COL8A2: variants seen among roughly 807,000 people sequenced by gnomAD.
The protein encoded by COL8A2 is collagen alpha-2(VIII) chain.
COL8A2 carries 16 observed loss-of-function variants against 24.0 expected under a neutral mutation model. The observed-to-expected ratio is 0.67, with a 90% CI of 0.45 to 1.01. The LOEUF is 1.01. Ranked by LOEUF, COL8A2 falls within the 50% of genes least tolerant of loss-of-function variation. The pLI is 0.00. For missense variants in COL8A2, 818 were observed against 942.4 expected, an observed-to-expected ratio of 0.87 and a Z score of 1.73; for synonymous variants, 466 against 424.5, an observed-to-expected ratio of 1.10 and a Z score of -1.20.
chr1:36,099,881 T>G (rs1162570088), intron 3 of COL8A2, among the ~76,000 whole-genome samples, 169 bp downstream of exon 3: 2 of 152,164 alleles, frequency 1.3e-5, no homozygotes, highest in Non-Finnish European at 2.9e-5. Flanking sequence ...GCCAGCTAAC[T>G]GCACCGTTTC....
chr1:36,099,508 G>A, intron 3 of COL8A2, 21 bp from the exon 4 acceptor site: 1 of 1,497,742 alleles, frequency 6.7e-7, no homozygotes, highest in Non-Finnish European at 9.0e-7. Context: ...AAGAGAAAGG[G>A]GCAGTCAGGG....
At chr1:36,105,003 G>A (rs1643734592) in intron 2 of COL8A2, among the ~76,000 whole-genome samples, 1 of 152,026 alleles carries the variant, frequency 6.6e-6, no homozygotes, top group African/African-American at 2.4e-5. Context: ...ACCCTACGCA[G>A]GGACCTCTCT....
chr1:36,101,421 C>T (rs1478604070), intron 2 of COL8A2, among the ~76,000 whole-genome samples: 2 of 152,192 alleles, frequency 1.3e-5, no homozygotes, highest in African/African-American at 4.8e-5. Flanking sequence ...AGGCTGTCAT[C>T]CCTTCCTCTA....
intron 2 of COL8A2, among the ~76,000 whole-genome samples, chr1:36,101,682 C>T (rs772408016): frequency 2.0e-5 from 3 of 152,168 alleles, no homozygotes; most frequent in Non-Finnish European, 4.4e-5. Context: ...GTAGAGACAA[C>T]GCAAATGTCC....
chr1:36,098,750 CT>C lies in COL8A2; in HGVS notation c.930del (p.Ile310MetfsTer149). The C allele has an allele frequency of 6.2e-7, 1 of 1,611,790 alleles. No homozygotes were observed. Among genetic ancestry groups the C allele is most frequent in the Non-Finnish European group, 8.5e-7 (1 of 1,179,632 alleles). ...CCTGGCATCCCATAGCCAGTGGGGC[CT>C]ATCAGCCCAGGGGGGCCCCGGGTCC... is the stretch of plus-strand genomic sequence containing the variant. The part of the protein sequence containing the change: ...EPGTRGPPGL[I>X]GPTGYGMPGL... On this transcript the variant is annotated frameshift_variant, in exon 4 of 4. Coordinates refer to ENST00000397799, the MANE Select transcript of COL8A2 (RefSeq NM_005202.4). LOFTEE classifies it high-confidence loss of function.
chr1:36,116,857 G>A (rs1379354114), intron 1 of COL8A2, among the ~76,000 whole-genome samples: 1 of 152,186 alleles, frequency 6.6e-6, no homozygotes, highest in East Asian at 1.9e-4. Context: ...GTTATTTAGT[G>A]GGGGAAGTGA....
chr1:36,100,730 A>G (rs1266873429), intron 2 of COL8A2, among the ~76,000 whole-genome samples: 2 of 151,982 alleles, frequency 1.3e-5, no homozygotes, highest in African/African-American at 2.4e-5. Context: ...TGTCATCTCC[A>G]TTTTCCAGAT....
At chr1:36,102,666 T>TG (rs1337270205) in intron 2 of COL8A2, among the ~76,000 whole-genome samples, 1 of 124,026 alleles carries the variant, frequency 8.1e-6, no homozygotes, top group African/African-American at 3.1e-5. Context: ...TAAAGCTGGT[T>TG]TTTTGTTTTT....
At chr1:36,110,063 G>A (rs1231441263) in intron 2 of COL8A2, among the ~76,000 whole-genome samples, 4 of 151,190 alleles carry the variant, frequency 2.6e-5, no homozygotes, top group Admixed American at 2.6e-4. Context: ...CCTAGTAGCT[G>A]GGACTACAGG....
Position 36,098,788 on chromosome 1 carries a change from T to A in COL8A2, c.893A>T (p.Lys298Ile). ...LPGPQGPSGA[K>I]GEPGTRGPPG... ...GGGGCCCCGGGTCCCTGGCTCCCCTTTGGCCCCTGATGGGCCCTGTGGTCC... is the reference window on the plus strand; with the variant it reads ...GGGGCCCCGGGTCCCTGGCTCCCCTATGGCCCCTGATGGGCCCTGTGGTCC... Residue 298 changes from lysine (K) to isoleucine (I), a missense_variant, in exon 4 of 4, where the codon AAA becomes ATA. Physicochemically the swap from Lys to Ile is moderately radical, Grantham distance 102. Transcript: ENST00000397799. 1 of 1,611,690 alleles carries A rather than the reference T, an allele frequency of 6.2e-7. No individual in the cohort carries two copies. Among genetic ancestry groups the A allele is most frequent in the East Asian group, 2.2e-5 (1 of 44,740 alleles).
Position 36,100,887 on chromosome 1 carries a change from C to CTT in COL8A2, c.-16-631_-16-630dup, listed in dbSNP as rs139330748. On this transcript the variant is annotated intron_variant, in intron 2 of 3. Coordinates refer to ENST00000397799, the MANE Select transcript of COL8A2 (RefSeq NM_005202.4). ...ATGGCGCTTAGCATAGCATTCAAGG[C>CTT]TTTTTTTTTTTTTTTTTTTTTTTTT... Among the ~76,000 whole-genome samples the CTT allele has an allele frequency of 1.5e-3, 73 of 50,158 alleles. 13 individuals are homozygous for CTT. The highest frequency in any genetic ancestry group is 5.4e-3 in the East Asian group (4 of 740). 32.9% of individuals were successfully genotyped at this position (50,158 alleles called of 152,430 possible). A position where few individuals can be genotyped will look rare whatever the true frequency, so the allele number is the denominator to read the frequency against.
At chr1:36,122,253 A>G (rs1286959224) in intron 1 of COL8A2, among the ~76,000 whole-genome samples, 1 of 152,166 alleles carries the variant, frequency 6.6e-6, no homozygotes, top group Non-Finnish European at 1.5e-5. Flanking sequence ...AGATGGGGAA[A>G]CTGAGGCACA....
chr1:36,104,749 C>T (rs1233110967), intron 2 of COL8A2, among the ~76,000 whole-genome samples: 1 of 151,990 alleles, frequency 6.6e-6, no homozygotes, highest in Non-Finnish European at 1.5e-5. Context: ...GAGCCGAGGT[C>T]GCGCCACTGC....
intron 2 of COL8A2, among the ~76,000 whole-genome samples, chr1:36,110,167 C>T (rs139246921): frequency 2.0e-5 from 3 of 148,280 alleles, no homozygotes; most frequent in African/African-American, 5.0e-5. Context: ...CTCCTGACCT[C>T]GTGATCCACC....
intron 1 of COL8A2, among the ~76,000 whole-genome samples, chr1:36,117,050 G>C (rs1204934817): frequency 6.6e-6 from 1 of 152,234 alleles, no homozygotes; most frequent in Non-Finnish European, 1.5e-5. Context: ...CCACCTGGCA[G>C]GGAGGCCTGC....
chr1:36,102,207 A>G (rs1643687533), intron 2 of COL8A2, among the ~76,000 whole-genome samples: 1 of 152,206 alleles, frequency 6.6e-6, no homozygotes, highest in South Asian at 2.1e-4. Context: ...GACACCTGCT[A>G]CAACACAGAT....
Position 36,099,591 on chromosome 1 carries a change from G to A in COL8A2, c.194-104C>T, listed in dbSNP as rs1485787618. Reference sequence around the variant, plus strand: ...CAGTATGAGGTACACGGGAGAGGAAGAATGGGGCTGCCCCTTCCTGCTCTC... The same window carrying A: ...CAGTATGAGGTACACGGGAGAGGAAAAATGGGGCTGCCCCTTCCTGCTCTC... On this transcript the variant is annotated intron_variant, in intron 3 of 3. Coordinates refer to ENST00000397799, the MANE Select transcript of COL8A2 (RefSeq NM_005202.4). The A allele has an allele frequency of 1.4e-5, 12 of 882,368 alleles. No homozygotes were observed. In the East Asian group the frequency reaches 2.9e-4, roughly 21 times the overall value. The allele number at this position is 882,368 out of a possible 1,614,324, so 54.7% of individuals were successfully genotyped here.
chr1:36,102,564 G>C (rs1484260384), intron 2 of COL8A2, among the ~76,000 whole-genome samples: 1 of 151,588 alleles, frequency 6.6e-6, no homozygotes, highest in African/African-American at 2.4e-5. Flanking sequence ...AATTGATTGT[G>C]GTGAAAATTG....
intron 2 of COL8A2, among the ~76,000 whole-genome samples, chr1:36,101,830 G>C (rs1643682549): frequency 6.6e-6 from 1 of 152,102 alleles, no homozygotes; most frequent in African/African-American, 2.4e-5. Flanking sequence ...GATCACTTGA[G>C]CCCTGAGTTT....
Sources: allele counts gnomAD v4.1 joint callset (sites outside exome capture counted in the v4.1 genomes callset), GRCh38; gene constraint gnomAD v4.1.1; transcripts MANE v1.5; gene names NCBI Gene and HGNC (gene_info 2026-07-23, HGNC 2026-07-21).